Variants in MCTP1 observed in about 807,000 individuals in gnomAD.
The protein encoded by MCTP1 is multiple C2 and transmembrane domain containing 1.
A neutral mutation model predicts 120.6 loss-of-function variants in MCTP1; 69 were observed. That is an observed-to-expected ratio of 0.57 (90% CI 0.47 to 0.70). The LOEUF is 0.70. Ranked by LOEUF, MCTP1 falls within the 30% of genes least tolerant of loss-of-function variation. The pLI is 0.00. For missense variants in MCTP1, 1,203 were observed against 1,248.8 expected (o/e 0.96, Z 0.55); for synonymous variants, 529 against 493.1 (o/e 1.07, Z -0.96).
intron 6 of MCTP1, among the ~76,000 whole-genome samples, chr5:94,926,318 A>G (rs1581395494): frequency 6.6e-6 from 1 of 152,220 alleles, no homozygotes; most frequent in South Asian, 2.1e-4. Flanking sequence ...TCCTGATTAC[A>G]AAAGCATGCT....
At chr5:94,953,818 AAT>A (rs1175626085) in intron 2 of MCTP1, among the ~76,000 whole-genome samples, 1 of 60,440 alleles carries the variant, frequency 1.7e-5, no homozygotes, top group South Asian at 4.9e-4. Context: ...TATATATACA[AAT>A]ATATATATAC....
rs1820881390 is a variant in MCTP1, at chr5:94,952,519, G to A, written c.981+700C>T. 2.6e-5 allele frequency among the ~76,000 whole-genome samples: 4 copies of A among 152,140 alleles called. No homozygotes were observed. The South Asian group carries it at 8.3e-4, about 32-fold the overall frequency. ...AACAACTTAGGGAAAAGGGTGGGAT[G>A]TGTGCTGTTGTGGTAAAAGTAGAAA... On this transcript the variant is annotated intron_variant, in intron 3 of 22. Coordinates refer to ENST00000515393, the MANE Select transcript of MCTP1 (RefSeq NM_024717.7).
chr5:95,141,866 A>C (rs331557), intron 1 of MCTP1, among the ~76,000 whole-genome samples: 43,486 of 152,072 alleles, frequency 0.29, 6,674 homozygotes, highest in East Asian at 0.58. Context: ...CTTCATGCTG[A>C]TCACTTTCTT....
intron 2 of MCTP1, among the ~76,000 whole-genome samples, chr5:95,012,739 T>C (rs950585955): frequency 3.3e-5 from 5 of 152,080 alleles, no homozygotes; most frequent in African/African-American, 1.2e-4. Flanking sequence ...ATGTTGTGTG[T>C]GTTCTGACTG....
intron 1 of MCTP1, among the ~76,000 whole-genome samples, chr5:95,202,390 G>A (rs1242490339): frequency 2.0e-5 from 3 of 152,110 alleles, no homozygotes; most frequent in Non-Finnish European, 4.4e-5. Context: ...CCACACTACT[G>A]GCTCCCTGGT....
chr5:94,829,954 A>G (rs570369817), intron 17 of MCTP1, among the ~76,000 whole-genome samples: 16 of 152,308 alleles, frequency 1.1e-4, no homozygotes, highest in African/African-American at 3.8e-4. Flanking sequence ...CTGTCTCGCT[A>G]TTCATCCTGC....
At chr5:95,109,839 A>G (rs1412989742) in intron 1 of MCTP1, among the ~76,000 whole-genome samples, 3 of 152,210 alleles carry the variant, frequency 2.0e-5, no homozygotes. Flanking sequence ...CAAGCAAAAC[A>G]AGTCATAAGT....
intron 1 of MCTP1, among the ~76,000 whole-genome samples, chr5:95,162,646 G>A (rs771838242): frequency 9.9e-5 from 15 of 152,160 alleles, no homozygotes; most frequent in Non-Finnish European, 1.8e-4. Context: ...GATCCAATGT[G>A]AAACTGAGAA....
chr5:94,900,719 G>T (rs1355853200), intron 10 of MCTP1, among the ~76,000 whole-genome samples: 2 of 152,112 alleles, frequency 1.3e-5, no homozygotes, highest in Non-Finnish European at 2.9e-5. Flanking sequence ...ATGGCTGGGG[G>T]TTCAGAAAAC....
At chr5:94,891,354 C>T (rs1252996766) in intron 11 of MCTP1, among the ~76,000 whole-genome samples, 3 of 152,132 alleles carry the variant, frequency 2.0e-5, no homozygotes, top group African/African-American at 4.8e-5. Flanking sequence ...TTTGTGGGCA[C>T]GTTGTGTTCC....
intron 19 of MCTP1, among the ~76,000 whole-genome samples, chr5:94,734,066 G>A (rs576490817): frequency 1.3e-5 from 2 of 151,982 alleles, no homozygotes; most frequent in Admixed American, 6.6e-5. Context: ...TCTCTCAAAC[G>A]TGTAGAGTGA....
rs866966364 is a variant in MCTP1 at position 94,860,650 on chromosome 5, T to C, written c.2436+7683A>G. On this transcript the variant is annotated intron_variant, in intron 17 of 22. Transcript: ENST00000515393. ...AACTTTACCACCAAGAGTATAAAAG[T>C]AAATGTAGTTGAACTTGTATTAACC... Among the ~76,000 whole-genome samples, 6 of 150,760 alleles carry C rather than the reference T, an allele frequency of 4.0e-5. No homozygotes were observed. In the South Asian group the frequency reaches 1.3e-3, roughly 32 times the overall value.
chr5:95,226,272 G>A (rs1582591131), intron 1 of MCTP1, among the ~76,000 whole-genome samples: 1 of 152,022 alleles, frequency 6.6e-6, no homozygotes, highest in South Asian at 2.1e-4. Context: ...GGGAAAGCAT[G>A]TTGTATATAT....
intron 19 of MCTP1, among the ~76,000 whole-genome samples, chr5:94,747,762 T>TG (rs1767262526): frequency 6.6e-6 from 1 of 151,920 alleles, no homozygotes; most frequent in African/African-American, 2.4e-5. Context: ...ACTAACTGGA[T>TG]GGGGGTAATT....
chr5:95,047,744 G>T, intron 1 of MCTP1, among the ~76,000 whole-genome samples: 1 of 151,972 alleles, frequency 6.6e-6, no homozygotes, highest in East Asian at 1.9e-4. Flanking sequence ...GTACCAAACA[G>T]CCCACCTATT....
At chr5:95,101,118 C>G (rs1010561191) in intron 1 of MCTP1, among the ~76,000 whole-genome samples, 1 of 152,050 alleles carries the variant, frequency 6.6e-6, no homozygotes, top group Non-Finnish European at 1.5e-5. Flanking sequence ...AACTATGACT[C>G]TATATTGCTG....
chr5:94,727,865 T>C (rs1369637319), intron 19 of MCTP1, among the ~76,000 whole-genome samples: 1 of 152,094 alleles, frequency 6.6e-6, no homozygotes, highest in Non-Finnish European at 1.5e-5. Context: ...GAGAATTCAA[T>C]TGTCCTCCTT....
chr5:94,742,833 C>G (rs1473000097), intron 19 of MCTP1, among the ~76,000 whole-genome samples: 1 of 151,996 alleles, frequency 6.6e-6, no homozygotes, highest in Non-Finnish European at 1.5e-5. Flanking sequence ...TATTGTGTAC[C>G]TACTTCAGGC....
chr5:95,249,760 A>G (rs1757196239), intron 1 of MCTP1, among the ~76,000 whole-genome samples: 1 of 152,216 alleles, frequency 6.6e-6, no homozygotes, highest in Non-Finnish European at 1.5e-5. Flanking sequence ...ATGATCCCAT[A>G]TGTCCATCAG....
Sources: gnomAD v4.1 joint callset for allele counts (sites outside exome capture counted in the v4.1 genomes callset) on GRCh38, gnomAD v4.1.1 for gene constraint, MANE v1.5 for transcripts, NCBI Gene and HGNC (gene_info 2026-07-23, HGNC 2026-07-21) for gene names.